UBE2G1: variants seen among roughly 807,000 people sequenced by gnomAD.
UBE2G1 encodes the protein ubiquitin-conjugating enzyme E2 G1.
A neutral mutation model predicts 22.7 loss-of-function variants in UBE2G1; 5 were observed. The observed-to-expected ratio is 0.22, with a 90% CI of 0.12 to 0.46. The LOEUF (loss-of-function observed/expected upper bound fraction) is 0.46. Among genes scored for constraint, UBE2G1 ranks in the 20% least tolerant of loss-of-function variants. UBE2G1 has a pLI of 0.99. For missense variants in UBE2G1, 88 were observed against 203.9 expected (o/e 0.43, Z 3.46); for synonymous variants, 74 against 67.5 (o/e 1.10, Z -0.47).
chr17:4,286,925 A>G (rs2143692667), intron 4 of UBE2G1, among the ~76,000 whole-genome samples: 1 of 152,164 alleles, frequency 6.6e-6, no homozygotes, highest in Non-Finnish European at 1.5e-5. Flanking sequence ...CACGTCTGTA[A>G]TACCAGCTAC....
At chr17:4,279,788 TATATATATATATA>T (rs1968863522) in intron 5 of UBE2G1, among the ~76,000 whole-genome samples, 1 of 113,234 alleles carries the variant, frequency 8.8e-6, no homozygotes, top group African/African-American at 5.8e-5. Flanking sequence ...AAAAAAGTTA[TATATATATATATA>T]TATATATATA....
chr17:4,345,034 G>C (rs990556303), intron 1 of UBE2G1, among the ~76,000 whole-genome samples: 7 of 152,118 alleles, frequency 4.6e-5, no homozygotes, highest in African/African-American at 1.7e-4. Context: ...TTTTAAATGA[G>C]CTTTGCAAAT....
At chr17:4,308,468 C>T (rs7214808) in intron 1 of UBE2G1, among the ~76,000 whole-genome samples, 5,150 of 151,420 alleles carry the variant, frequency 0.034, 321 homozygotes, top group African/African-American at 0.12. Flanking sequence ...AATGTTGCAT[C>T]AAGCCAAGAT....
At chr17:4,281,433 G>C (rs1319064307) in intron 5 of UBE2G1, among the ~76,000 whole-genome samples, 1 of 152,150 alleles carries the variant, frequency 6.6e-6, no homozygotes, top group East Asian at 1.9e-4. Context: ...CGGAGTGTAG[G>C]GGACAGAAGA....
At chr17:4,301,027 A>G (rs541010460) in intron 2 of UBE2G1, among the ~76,000 whole-genome samples, 1 of 152,166 alleles carries the variant, frequency 6.6e-6, no homozygotes, top group African/African-American at 2.4e-5. Flanking sequence ...TTTTTCCATG[A>G]GGCCTCCATT....
chr17:4,300,479 G>C (rs541894774), intron 2 of UBE2G1, among the ~76,000 whole-genome samples: 3 of 151,988 alleles, frequency 2.0e-5, no homozygotes, highest in Non-Finnish European at 2.9e-5. Flanking sequence ...GGAGGCAGAG[G>C]TTGCAATGAG....
Position 4,352,939 on chromosome 17 carries a change from C to G in UBE2G1, c.46+13332G>C, listed in dbSNP as rs1969860730. ...AAATACAAAAATCAGCCGGGTGTGG[C>G]CGGGTACACTGGCTCACGCCTGTAA... On this transcript the variant is annotated intron_variant, in intron 1 of 5. Coordinates refer to ENST00000396981, the MANE Select transcript of UBE2G1 (RefSeq NM_003342.5). Among the ~76,000 whole-genome samples the G allele has an allele frequency of 2.6e-5, 4 of 152,046 alleles. No homozygotes were observed. The South Asian group carries it at 8.3e-4, about 32-fold the overall frequency.
At chr17:4,327,064 G>A (rs1024500416) in intron 1 of UBE2G1, among the ~76,000 whole-genome samples, 3 of 152,184 alleles carry the variant, frequency 2.0e-5, no homozygotes, top group African/African-American at 7.2e-5. Flanking sequence ...GGGAGGCCGA[G>A]GCAGGTGGAT....
intron 5 of UBE2G1, among the ~76,000 whole-genome samples, chr17:4,276,380 T>A: frequency 6.6e-6 from 1 of 151,918 alleles, no homozygotes; most frequent in Non-Finnish European, 1.5e-5. Context: ...GGTTTTGCCA[T>A]GTTGGTCTCA....
At position 4,366,622 on chromosome 17, in the gene UBE2G1, C is replaced by G. The variant is rs1473379265; in HGVS notation, c.-306G>C. The G allele has an allele frequency of 6.5e-6, 2 of 306,408 alleles. No individual in the cohort carries two copies. The highest frequency in any genetic ancestry group is 5.7e-5 in the East Asian group (1 of 17,624). 19.0% of individuals were successfully genotyped at this position (306,408 alleles called of 1,614,324 possible). On this transcript the variant is annotated 5_prime_UTR_variant, in exon 1 of 6. Coordinates refer to ENST00000396981, the MANE Select transcript of UBE2G1 (RefSeq NM_003342.5). ...GCCCGTCGGCCCCACCGGTGCCTTC[C>G]CCCGCCACTGCCTCACTGCGCGCAG...
chr17:4,347,201 T>G (rs1969787617), intron 1 of UBE2G1, among the ~76,000 whole-genome samples: 1 of 152,222 alleles, frequency 6.6e-6, no homozygotes, highest in African/African-American at 2.4e-5. Flanking sequence ...TTATCTAAAA[T>G]GCTTGGGACC....
At chr17:4,300,690 C>A (rs1448903706) in intron 2 of UBE2G1, among the ~76,000 whole-genome samples, 1 of 151,766 alleles carries the variant, frequency 6.6e-6, no homozygotes, top group Admixed American at 6.6e-5. Flanking sequence ...GTAGGCCGGG[C>A]ACGGTGGCTC....
intron 5 of UBE2G1, among the ~76,000 whole-genome samples, chr17:4,279,398 G>A (rs979126964): frequency 9.2e-5 from 14 of 152,048 alleles, no homozygotes; most frequent in African/African-American, 3.4e-4. Context: ...GTCAATAAAT[G>A]GTACAGTCAA....
chr17:4,333,829 A>C (rs996155510), intron 1 of UBE2G1, among the ~76,000 whole-genome samples: 1 of 152,046 alleles, frequency 6.6e-6, no homozygotes, highest in Non-Finnish European at 1.5e-5. Flanking sequence ...AAAAAAAAAA[A>C]GTAAAAGACT....
chr17:4,282,455 A>C (rs986065116), intron 5 of UBE2G1, among the ~76,000 whole-genome samples: 16 of 152,244 alleles, frequency 1.1e-4, no homozygotes, highest in Admixed American at 1.0e-3. Context: ...CAGTATATGA[A>C]GATACATTAG....
chr17:4,360,782 A>C lies in UBE2G1; in HGVS notation c.46+5489T>G, dbSNP rs555115245. 9.9e-5 allele frequency among the ~76,000 whole-genome samples: 15 copies of C among 152,264 alleles called. No individual in the cohort carries two copies. The South Asian group carries it at 2.9e-3, about 29-fold the overall frequency. On this transcript the variant is annotated intron_variant, in intron 1 of 5. Transcript: ENST00000396981. ...CAAAATTAGCCAGGTGTAGTGGCAC[A>C]TGCCTGTAATCCCAGCTACTGGGGA...
rs899151068 is a variant in UBE2G1 at position 4,366,390 on chromosome 17, C to T, written c.-74G>A. 177 of 1,368,172 alleles carry T rather than the reference C, an allele frequency of 1.3e-4. 1 individual carries two copies. The highest frequency in any genetic ancestry group is 3.7e-5 in the Non-Finnish European group (39 of 1,058,650). 84.8% of individuals were successfully genotyped at this position (1,368,172 alleles called of 1,614,324 possible). On this transcript the variant is annotated 5_prime_UTR_variant, in exon 1 of 6. Coordinates refer to ENST00000396981, the MANE Select transcript of UBE2G1 (RefSeq NM_003342.5). The stretch of plus-strand genomic sequence containing the variant: ...GGACAGGCTCTGGGGGCGGCTGGAG[C>T]GGGGTGTGCCGAGGAACCCGGGCCC...
At chr17:4,348,147 A>G (rs1969801560) in intron 1 of UBE2G1, among the ~76,000 whole-genome samples, 1 of 152,212 alleles carries the variant, frequency 6.6e-6, no homozygotes. Context: ...AGTCCCAACT[A>G]CTTGGGAGGC....
chr17:4,290,970 T>C (rs961671549), intron 3 of UBE2G1, among the ~76,000 whole-genome samples: 8 of 152,110 alleles, frequency 5.3e-5, no homozygotes, highest in Admixed American at 4.6e-4. Context: ...GTGCCTTCAA[T>C]GTTTTATGTA....
Sources: gnomAD v4.1 joint callset for allele counts (sites outside exome capture counted in the v4.1 genomes callset) on GRCh38, gnomAD v4.1.1 for gene constraint, MANE v1.5 for transcripts, NCBI Gene and HGNC (gene_info 2026-07-23, HGNC 2026-07-21) for gene names.